Variants in TMIGD3 observed in about 807,000 individuals in gnomAD.
TMIGD3 encodes the protein transmembrane and immunoglobulin domain containing 3.
TMIGD3 carries 21 observed loss-of-function variants against 28.1 expected under a neutral mutation model. The ratio of observed to expected loss-of-function variants is 0.75; its 90% CI spans 0.53 to 1.08. TMIGD3 has a LOEUF of 1.08. Ranked by LOEUF, TMIGD3 falls within the 50% of genes least tolerant of loss-of-function variation. The pLI is 0.00. For missense variants in TMIGD3, 416 were observed against 435.6 expected, an observed-to-expected ratio of 0.96 and a Z score of 0.40; for synonymous variants, 151 against 162.1, an observed-to-expected ratio of 0.93 and a Z score of 0.52.
At chr1:111,486,229 A>G (rs1354392017) in intron 4 of TMIGD3, among the ~76,000 whole-genome samples, 1 of 152,186 alleles carries the variant, frequency 6.6e-6, no homozygotes, top group Admixed American at 6.5e-5. Context: ...ACAGATTCGA[A>G]GCAGATTAGA....
intron 2 of TMIGD3, chr1:111,489,795 A>C: frequency 2.0e-6 from 2 of 983,294 alleles, no homozygotes; most frequent in Non-Finnish European, 2.4e-6. Flanking sequence ...TTTAGGGGAT[A>C]AGAACTTCAT....
Position 111,503,594 on chromosome 1 carries a change from T to C in TMIGD3, c.-240A>G, listed in dbSNP as rs1350262343. ...CAGCCCCTTTATGCACCGCACATCCTCAAGTTTCCAGAATGCTGTAGGACA... is the reference window on the plus strand; with the variant it reads ...CAGCCCCTTTATGCACCGCACATCCCCAAGTTTCCAGAATGCTGTAGGACA... On this transcript the variant is annotated 5_prime_UTR_variant, in exon 1 of 6. Coordinates refer to ENST00000369716, the MANE Select transcript of TMIGD3 (RefSeq NM_020683.7). 2 of 1,344,162 alleles carry C rather than the reference T, an allele frequency of 1.5e-6. No individual in the cohort carries two copies. The highest frequency in any genetic ancestry group is 6.1e-5 in the East Asian group (2 of 32,670). The allele number at this position is 1,344,162 out of a possible 1,614,324, so 83.3% of individuals were successfully genotyped here.
At chr1:111,485,631 G>A in intron 5 of TMIGD3, 109 bp downstream of exon 5, 1 of 839,922 alleles carries the variant, frequency 1.2e-6, no homozygotes, top group Admixed American at 2.6e-5. Flanking sequence ...GTCTCCAGGT[G>A]ACCAGGCAAT....
At chr1:111,546,917 A>G (rs1296531004) in intron 1 of TMIGD3, among the ~76,000 whole-genome samples, 1 of 152,086 alleles carries the variant, frequency 6.6e-6, no homozygotes, top group Non-Finnish European at 1.5e-5. Context: ...ATTTCTCCAT[A>G]TCGTCACCAA....
At chr1:111,521,117 G>A (rs1344380017) in intron 1 of TMIGD3, among the ~76,000 whole-genome samples, 1 of 151,540 alleles carries the variant, frequency 6.6e-6, no homozygotes, top group Non-Finnish European at 1.5e-5. Flanking sequence ...GTGCATCAGT[G>A]GTTCATTCAT....
chr1:111,532,893 T>C (rs1656502264), intron 1 of TMIGD3, among the ~76,000 whole-genome samples: 2 of 152,180 alleles, frequency 1.3e-5, no homozygotes, highest in Admixed American at 6.5e-5. Context: ...TGCAATCTAT[T>C]GGAGTGAGAC....
upstream of TMIGD3, chr1:111,504,115 C>G: frequency 9.1e-6 from 9 of 985,398 alleles, no homozygotes; most frequent in Non-Finnish European, 1.1e-5. Context: ...GCCTTTGCAG[C>G]AAAGATCCTT....
rs1324229742 is a variant in TMIGD3 at position 111,502,200 on chromosome 1, TAAATATATA to T, written c.350+796_350+804del. Among the ~76,000 whole-genome samples, 22 of 37,100 alleles carry T rather than the reference TAAATATATA, an allele frequency of 5.9e-4. 2 individuals carry two copies. Among genetic ancestry groups the T allele is most frequent in the Non-Finnish European group, 1.2e-3 (21 of 18,018 alleles). 24.3% of individuals were successfully genotyped at this position (37,100 alleles called of 152,430 possible). On this transcript the variant is annotated intron_variant, in intron 1 of 5. Coordinates refer to ENST00000369716, the MANE Select transcript of TMIGD3 (RefSeq NM_020683.7). ...AATATATAGGATATATATATTATAA[TAAATATATA>T]GGATATATATTTATTATAATGAATA...
upstream of TMIGD3, among the ~76,000 whole-genome samples, chr1:111,505,591 G>A (rs146961498): frequency 6.6e-6 from 1 of 152,310 alleles, no homozygotes; most frequent in Non-Finnish European, 1.5e-5. Context: ...ACCGTAGATT[G>A]AAAACCAAAA....
At chr1:111,508,993 G>C (rs1304473378) in intron 1 of TMIGD3, among the ~76,000 whole-genome samples, 1 of 152,238 alleles carries the variant, frequency 6.6e-6, no homozygotes, top group Non-Finnish European at 1.5e-5. Context: ...TACGCAGGAG[G>C]CTGAGGCAGG....
intron 1 of TMIGD3, among the ~76,000 whole-genome samples, chr1:111,498,352 G>A (rs1654988247): frequency 6.6e-6 from 1 of 152,188 alleles, no homozygotes; most frequent in Non-Finnish European, 1.5e-5. Context: ...AACCAGAGAT[G>A]ACACCTTGAA....
At chr1:111,521,887 T>C (rs72975026) in intron 1 of TMIGD3, among the ~76,000 whole-genome samples, 1,549 of 152,338 alleles carry the variant, frequency 0.01, 18 homozygotes, top group African/African-American at 0.035. Flanking sequence ...TTTATAGTTT[T>C]AGTCTTATAT....
At chr1:111,547,105 G>C (rs1657060186) in intron 1 of TMIGD3, among the ~76,000 whole-genome samples, 1 of 152,040 alleles carries the variant, frequency 6.6e-6, no homozygotes, top group Non-Finnish European at 1.5e-5. Flanking sequence ...ACTAATTTTT[G>C]TATATTGGTC....
At chr1:111,504,222 A>C, upstream of TMIGD3, 3 of 767,342 alleles carry the variant, frequency 3.9e-6, no homozygotes, top group Non-Finnish European at 4.8e-6. Flanking sequence ...TCTCTTTCTC[A>C]GCTCACACCC....
upstream of TMIGD3, among the ~76,000 whole-genome samples, chr1:111,504,664 C>A (rs1184407812): frequency 6.6e-6 from 1 of 152,128 alleles, no homozygotes; most frequent in African/African-American, 2.4e-5. Flanking sequence ...TATGTACAGC[C>A]CAAAATAAAA....
At chr1:111,486,526 C>T in intron 4 of TMIGD3, 60 bp downstream of exon 4, 2 of 1,297,546 alleles carry the variant, frequency 1.5e-6, no homozygotes, top group Non-Finnish European at 1.1e-6. Flanking sequence ...TGCTGCCACC[C>T]CAGCCCCTAC....
At chr1:111,484,411 G>T (rs1361133) in intron 5 of TMIGD3, among the ~76,000 whole-genome samples, 13,651 of 152,150 alleles carry the variant, frequency 0.09, 726 homozygotes, top group Middle Eastern at 0.19. Flanking sequence ...GTATAAAGTT[G>T]CCCAAGGTCA....
At chr1:111,532,414 T>G (rs1314439195) in intron 1 of TMIGD3, among the ~76,000 whole-genome samples, 5 of 152,162 alleles carry the variant, frequency 3.3e-5, no homozygotes, top group Non-Finnish European at 7.4e-5. Context: ...GAAAATCTCA[T>G]TTGCACTCGC....
intron 1 of TMIGD3, chr1:111,500,656 T>C (rs1655128585): frequency 1.8e-6 from 2 of 1,130,102 alleles, no homozygotes; most frequent in Non-Finnish European, 2.6e-6. Context: ...AGATAAGGCA[T>C]ATACTCTCTT....
Sources: gnomAD v4.1 joint callset for allele counts (sites outside exome capture counted in the v4.1 genomes callset) on GRCh38, gnomAD v4.1.1 for gene constraint, MANE v1.5 for transcripts, NCBI Gene and HGNC (gene_info 2026-07-23, HGNC 2026-07-21) for gene names.